Variants in LRP2 observed in about 807,000 individuals in gnomAD.
LRP2 encodes low-density lipoprotein receptor-related protein 2.
LRP2 carries 172 observed loss-of-function variants against 531.0 expected under a neutral mutation model. The ratio of observed to expected loss-of-function variants is 0.32; its 90% CI spans 0.29 to 0.37. The LOEUF (loss-of-function observed/expected upper bound fraction) is 0.37, where lower values mean the gene tolerates loss of function less well. LRP2 is among the 10% of genes least tolerant of loss of function. LRP2 has a pLI of 1.00. For missense variants in LRP2, 5,167 were observed against 5,868.3 expected (o/e 0.88, Z 3.90); for synonymous variants, 1,992 against 2,027.6 (o/e 0.98, Z 0.47).
chr2:169,286,910 T>C (rs1308023678), intron 9 of LRP2, among the ~76,000 whole-genome samples: 1 of 152,136 alleles, frequency 6.6e-6, no homozygotes, highest in African/African-American at 2.4e-5. Context: ...TCTTTTCTAC[T>C]AAGAGAAAAG....
At chr2:169,239,072 A>G (rs1252245923) in intron 26 of LRP2, among the ~76,000 whole-genome samples, 1 of 152,178 alleles carries the variant, frequency 6.6e-6, no homozygotes. Flanking sequence ...CTACATGTAA[A>G]AGAAAGAAAC....
chr2:169,289,007 G>A lies in LRP2; in HGVS notation c.1042+19C>T, dbSNP rs183348926. The stretch of plus-strand genomic sequence containing the variant: ...GTACTGTAATGAAAGACAAGTAGCC[G>A]CCGCCCCCCATCACTTACCAACACA... On this transcript the variant is annotated intron_variant, in intron 9 of 78. Transcript: ENST00000649046. 1.7e-4 allele frequency: 278 copies of A among 1,613,456 alleles called. No individual in the cohort carries two copies. In the African/African-American group the frequency reaches 2.5e-3, roughly 14 times the overall value.
chr2:169,190,064 T>A (rs1233393502), intron 48 of LRP2, among the ~76,000 whole-genome samples: 1 of 152,206 alleles, frequency 6.6e-6, no homozygotes, highest in Admixed American at 6.5e-5. Context: ...GCCTAGAGTC[T>A]AAGCCTAGGT....
At chr2:169,327,864 C>T (rs1685140077) in intron 1 of LRP2, among the ~76,000 whole-genome samples, 1 of 1,976 alleles carries the variant, frequency 5.1e-4, no homozygotes, top group Admixed American at 2.3e-3. Context: ...CAGCCAGCCG[C>T]CCCGTCCGGG....
chr2:169,217,046 G>A (rs75241704), intron 34 of LRP2, among the ~76,000 whole-genome samples: 4,410 of 152,114 alleles, frequency 0.029, 201 homozygotes, highest in African/African-American at 0.1. Flanking sequence ...ATTTCACAGC[G>A]ATCAGGTACA....
intron 63 of LRP2, among the ~76,000 whole-genome samples, chr2:169,160,731 A>C (rs1275774745): frequency 6.8e-6 from 1 of 147,304 alleles, no homozygotes; most frequent in Non-Finnish European, 1.5e-5. Context: ...AAAAGAAAGT[A>C]CTGTAGTCTA....
intron 1 of LRP2, among the ~76,000 whole-genome samples, chr2:169,334,045 A>C (rs1308563891): frequency 6.6e-6 from 1 of 152,230 alleles, no homozygotes; most frequent in Non-Finnish European, 1.5e-5. Flanking sequence ...GACATGATGA[A>C]TTTATAATGT....
intron 58 of LRP2, 37 bp from the exon 59 acceptor site, chr2:169,170,704 A>G (rs748073862): frequency 5.0e-6 from 7 of 1,393,578 alleles, no homozygotes; most frequent in Non-Finnish European, 7.2e-6. Flanking sequence ...AGTGTGCACC[A>G]GGAATCACAT....
chr2:169,167,264 C>T (rs1368833317), intron 61 of LRP2, among the ~76,000 whole-genome samples: 2 of 152,164 alleles, frequency 1.3e-5, no homozygotes, highest in African/African-American at 4.8e-5. Flanking sequence ...TGGGATGCAA[C>T]TGTGAAATAT....
intron 3 of LRP2, among the ~76,000 whole-genome samples, chr2:169,315,713 A>T (rs1221606495): frequency 6.6e-6 from 1 of 151,942 alleles, no homozygotes; most frequent in East Asian, 1.9e-4. Context: ...AAAGAATCTT[A>T]GTTAGATCAG....
At chr2:169,350,640 C>A (rs949259266) in intron 1 of LRP2, among the ~76,000 whole-genome samples, 11 of 142,244 alleles carry the variant, frequency 7.7e-5, no homozygotes, top group Admixed American at 5.4e-4. Context: ...AGGAGAATCG[C>A]TTGAACCTGG....
chr2:169,194,330 T>C (rs538673471), intron 46 of LRP2, among the ~76,000 whole-genome samples: 1 of 152,300 alleles, frequency 6.6e-6, no homozygotes, highest in African/African-American at 2.4e-5. Flanking sequence ...TAGCACCACC[T>C]TTCAACATAC....
intron 1 of LRP2, among the ~76,000 whole-genome samples, chr2:169,332,696 GA>G (rs1685298617): frequency 6.6e-6 from 1 of 152,132 alleles, no homozygotes. Flanking sequence ...TAAATTTTCA[GA>G]AAGTAGAGAT....
rs970862922 is a variant in LRP2 at position 169,160,685 on chromosome 2, A to AAAAAAAAAAAAAAAAC, written c.11887+1786_11887+1787insGTTTTTTTTTTTTTTT. 1.3e-4 allele frequency among the ~76,000 whole-genome samples: 12 copies of AAAAAAAAAAAAAAAAC among 94,282 alleles called. No individual in the cohort carries two copies. In the East Asian group the frequency reaches 1.4e-3, roughly 11 times the overall value. The allele number at this position is 94,282 out of a possible 152,430, so 61.9% of individuals were successfully genotyped here. A position where few individuals can be genotyped will look rare whatever the true frequency, so the allele number is the denominator to read the frequency against. The stretch of plus-strand genomic sequence containing the variant: ...TTGTTTGTGCTACTTATTTCCTTAA[A>AAAAAAAAAAAAAAAAC]AAAAAAAAAACCTGCTACTAATTAA... On this transcript the variant is annotated intron_variant, in intron 63 of 78. Coordinates refer to ENST00000649046, the MANE Select transcript of LRP2 (RefSeq NM_004525.3).
chr2:169,271,012 C>T lies in LRP2; in HGVS notation c.2212G>A (p.Gly738Arg). 4 of 1,613,240 alleles carry T rather than the reference C, an allele frequency of 2.5e-6. No individual in the cohort carries two copies. Among genetic ancestry groups the T allele is most frequent in the Non-Finnish European group, 3.4e-6 (4 of 1,179,552 alleles). ...TQEDVMVPVSGNPSFFVGIDF... is the reference protein window; with the variant it reads ...TQEDVMVPVSRNPSFFVGIDF... ...ATCCCGACAAAGAAAGAAGGATTCC[C>T]CGAAACTGGAACCATGACATCTTCC... The change falls in exon 16 of 79, where the codon GGG becomes AGG. Residue 738 changes from glycine (G) to arginine (R), a missense_variant. Around this residue, in one of 6 missense-constraint regions of LRP2, gnomAD observed 2,811 missense variants for 3,058.0 expected, o/e 0.92. Coordinates refer to ENST00000649046, the MANE Select transcript of LRP2 (RefSeq NM_004525.3).
chr2:169,145,674 A>G (rs1685880629), intron 70 of LRP2, 73 bp downstream of exon 70: 2 of 1,439,492 alleles, frequency 1.4e-6, no homozygotes, highest in Admixed American at 3.3e-5. Context: ...GCCATCTTCC[A>G]GCAATATAGC....
In LRP2 at chr2:169,206,810, T is replaced by C; in HGVS notation, c.6910A>G (p.Ser2304Gly). 6.2e-7 allele frequency: 1 copy of C among 1,614,212 alleles called. No individual in the cohort carries two copies. Among genetic ancestry groups the C allele is most frequent in the East Asian group, 2.2e-5 (1 of 44,882 alleles). Residue 2304 changes from serine (S) to glycine (G), a missense_variant, in exon 39 of 79, where the codon AGC (serine) becomes GGC (glycine). Physicochemically the swap from Ser to Gly is moderately conservative, Grantham distance 56 (BLOSUM62 0). This residue lies in a region of LRP2 where 2,811 missense variants were observed against 3,058.0 expected (regional missense o/e 0.92). Transcript: ENST00000649046. Reference protein sequence around the residue: ...DRNLKKIFQASKEPENTEPPT... With the variant: ...DRNLKKIFQAGKEPENTEPPT... ...GGCTCTGTGTTCTCTGGTTCCTTGCTGGCTTGGAAGATCTTTTTCAAATTC... is the reference window on the plus strand; with the variant it reads ...GGCTCTGTGTTCTCTGGTTCCTTGCCGGCTTGGAAGATCTTTTTCAAATTC...
Position 169,157,384 on chromosome 2 carries a change from T to C in LRP2, c.12006A>G (p.Arg4002=). 1.2e-6 allele frequency: 2 copies of C among 1,613,314 alleles called. No individual in the cohort carries two copies. Among genetic ancestry groups the C allele is most frequent in the Non-Finnish European group, 1.7e-6 (2 of 1,179,488 alleles). The part of the protein sequence containing the change: ...TAGFETNVFD[R]TSCLDINECE... ...AATATACTCTACCTAGACAGGAGGT[T>C]CTGTCAAAAACATTGGTTTCGAACC... The change falls in exon 64 of 79, where the codon AGA becomes AGG. Residue 4002 remains arginine (R), a synonymous_variant. Transcript: ENST00000649046.
At chr2:169,170,929 T>TTTTG (rs1177950768) in intron 58 of LRP2, among the ~76,000 whole-genome samples, 3 of 146,304 alleles carry the variant, frequency 2.1e-5, no homozygotes, top group Non-Finnish European at 3.0e-5. Flanking sequence ...CTGTTTTTTT[T>TTTTG]TTTTTTTTTT....
Sources: gnomAD v4.1 joint callset for allele counts (sites outside exome capture counted in the v4.1 genomes callset) on GRCh38, gnomAD v4.1.1 for gene constraint, gnomAD v4.1.1 regional missense constraint, MANE v1.5 for transcripts, NCBI Gene and HGNC (gene_info 2026-07-23, HGNC 2026-07-21) for gene names.